Variants in GRIK1 observed in about 807,000 individuals in gnomAD.
GRIK1 encodes glutamate receptor ionotropic, kainate 1.
Under a neutral mutation model 105.7 loss-of-function variants are expected in GRIK1, and 69 were observed. The observed-to-expected ratio is 0.65, with a 90% confidence interval of 0.54 to 0.80. The LOEUF (loss-of-function observed/expected upper bound fraction) is 0.80. Ranked by LOEUF, GRIK1 falls within the 30% of genes least tolerant of loss-of-function variation. The pLI, the probability that GRIK1 is intolerant of heterozygous loss-of-function variation, is 0.00. For synonymous variants in GRIK1, 438 were observed against 431.3 expected, an observed-to-expected ratio of 1.02 and a Z score of -0.19; for missense variants, 1,109 against 1,167.3, an observed-to-expected ratio of 0.95 and a Z score of 0.73.
intron 4 of GRIK1, among the ~76,000 whole-genome samples, chr21:29,656,386 A>AAAAAAAAAT (rs2062853500): frequency 7.0e-6 from 1 of 143,854 alleles, no homozygotes; most frequent in Non-Finnish European, 1.5e-5. Context: ...AAAAAAAAAA[A>AAAAAAAAAT]AAAGAAATGA....
At chr21:29,641,696 T>C (rs1396077598) in intron 7 of GRIK1, among the ~76,000 whole-genome samples, 1 of 152,208 alleles carries the variant, frequency 6.6e-6, no homozygotes, top group Non-Finnish European at 1.5e-5. Flanking sequence ...CAAGAATGAA[T>C]GTTTCCTTAA....
chr21:29,564,359 G>A (rs2090561620), intron 14 of GRIK1, among the ~76,000 whole-genome samples: 1 of 152,014 alleles, frequency 6.6e-6, no homozygotes, highest in Non-Finnish European at 1.5e-5. Flanking sequence ...GTTTTAGCCG[G>A]GATGGTCTCG....
At chr21:29,657,196 C>A (rs940942144) in intron 4 of GRIK1, among the ~76,000 whole-genome samples, 4 of 152,160 alleles carry the variant, frequency 2.6e-5, no homozygotes, top group African/African-American at 9.7e-5. Flanking sequence ...GGATATAGGG[C>A]TGAATGCTAA....
At chr21:29,556,420 A>G (rs113273678) in intron 15 of GRIK1, among the ~76,000 whole-genome samples, 3,682 of 152,282 alleles carry the variant, frequency 0.024, 126 homozygotes, top group African/African-American at 0.08. Context: ...TGAAGAAATG[A>G]AGTCTCCATT....
intron 1 of GRIK1, among the ~76,000 whole-genome samples, chr21:29,778,205 C>A (rs1037736074): frequency 6.6e-6 from 1 of 152,084 alleles, no homozygotes; most frequent in Non-Finnish European, 1.5e-5. Context: ...AAGCACACAA[C>A]TTTGTGTTAT....
At chr21:29,611,367 T>C (rs545014178) in intron 7 of GRIK1, among the ~76,000 whole-genome samples, 1 of 152,266 alleles carries the variant, frequency 6.6e-6, no homozygotes, top group Non-Finnish European at 1.5e-5. Flanking sequence ...CAGATATTCA[T>C]TTCCATTAGC....
intron 3 of GRIK1, among the ~76,000 whole-genome samples, chr21:29,674,533 C>G (rs1021746939): frequency 6.6e-6 from 1 of 151,752 alleles, no homozygotes; most frequent in Non-Finnish European, 1.5e-5. Flanking sequence ...CCCCATGTGT[C>G]GGGGGGGAAC....
At chr21:29,615,454 C>G (rs1187833991) in intron 7 of GRIK1, among the ~76,000 whole-genome samples, 1 of 152,264 alleles carries the variant, frequency 6.6e-6, no homozygotes, top group East Asian at 1.9e-4. Context: ...GGATTACAGG[C>G]ACCTGCCATC....
At chr21:29,678,981 T>C (rs1220509580) in intron 3 of GRIK1, among the ~76,000 whole-genome samples, 2 of 152,228 alleles carry the variant, frequency 1.3e-5, no homozygotes, top group South Asian at 4.1e-4. Flanking sequence ...TGGAAGGAAC[T>C]ATGACAGATA....
At chr21:29,791,844 TAAAC>T (rs1411747166) in intron 1 of GRIK1, among the ~76,000 whole-genome samples, 3 of 152,340 alleles carry the variant, frequency 2.0e-5, no homozygotes, top group Admixed American at 1.3e-4. Flanking sequence ...AACTCTTAAA[TAAAC>T]TAATTTCTGA....
intron 1 of GRIK1, among the ~76,000 whole-genome samples, chr21:29,836,949 G>C (rs549884367): frequency 3.3e-5 from 5 of 152,256 alleles, no homozygotes; most frequent in East Asian, 3.9e-4. Context: ...TAGAGATAAA[G>C]TCCAACTCTC....
At chr21:29,910,770 T>C (rs1225132974) in intron 1 of GRIK1, among the ~76,000 whole-genome samples, 1 of 11,146 alleles carries the variant, frequency 9.0e-5, no homozygotes, top group East Asian at 2.8e-3. Context: ...CATATGCTTG[T>C]AGTAATTTTA....
chr21:29,809,583 A>G (rs1295722066), intron 1 of GRIK1, among the ~76,000 whole-genome samples: 2 of 152,154 alleles, frequency 1.3e-5, no homozygotes, highest in Admixed American at 1.3e-4. Flanking sequence ...CTTTCTTTAT[A>G]TCAGCAATAA....
intron 1 of GRIK1, among the ~76,000 whole-genome samples, chr21:29,928,563 C>T (rs2071461434): frequency 1.3e-5 from 2 of 152,168 alleles, no homozygotes; most frequent in South Asian, 4.1e-4. Flanking sequence ...ACAGAAAGAG[C>T]CTGAGATAAC....
At chr21:29,820,654 T>G (rs2067275199) in intron 1 of GRIK1, among the ~76,000 whole-genome samples, 1 of 69,692 alleles carries the variant, frequency 1.4e-5, no homozygotes, top group Admixed American at 1.8e-4. Flanking sequence ...TTAGACTCTA[T>G]GGGACTATAG....
At chr21:29,913,689 A>T (rs1006235403) in intron 1 of GRIK1, among the ~76,000 whole-genome samples, 1 of 150,714 alleles carries the variant, frequency 6.6e-6, no homozygotes, top group Non-Finnish European at 1.5e-5. Context: ...ATATATATAT[A>T]TATATTTGTA....
intron 15 of GRIK1, among the ~76,000 whole-genome samples, chr21:29,559,204 T>C (rs932559491): frequency 6.6e-6 from 1 of 152,176 alleles, no homozygotes; most frequent in African/African-American, 2.4e-5. Flanking sequence ...GTACCTACTC[T>C]TGGTGTTCTC....
At chr21:29,899,110 GAA>G (rs1356937427) in intron 1 of GRIK1, among the ~76,000 whole-genome samples, 4 of 152,104 alleles carry the variant, frequency 2.6e-5, no homozygotes, top group Non-Finnish European at 4.4e-5. Flanking sequence ...TTACCAAATT[GAA>G]ATGAGAATTA....
intron 1 of GRIK1, among the ~76,000 whole-genome samples, chr21:29,751,011 G>A (rs1296723973): frequency 2.6e-5 from 4 of 152,092 alleles, no homozygotes; most frequent in African/African-American, 9.7e-5. Flanking sequence ...GGGGTTGTTC[G>A]CTGGCAGGCA....
Sources: gnomAD v4.1 joint callset for allele counts (sites outside exome capture counted in the v4.1 genomes callset) on GRCh38, gnomAD v4.1.1 for gene constraint, MANE v1.5 for transcripts, NCBI Gene and HGNC (gene_info 2026-07-23, HGNC 2026-07-21) for gene names.